MIB1: variants seen among roughly 807,000 people sequenced by gnomAD.
MIB1 encodes the protein E3 ubiquitin-protein ligase MIB1.
MIB1 carries 278 observed loss-of-function variants against 124.5 expected under a neutral mutation model. The observed-to-expected ratio is 2.23, with a 90% confidence interval of 2.02 to 2.47. MIB1 has a LOEUF of 2.47. Among genes scored for constraint, MIB1 ranks in the 30% most tolerant of loss-of-function variants. The probability of loss-of-function intolerance (pLI) is 0.00; values close to 1 mark genes in which losing one functional copy is unlikely to be tolerated. For synonymous variants in MIB1, 446 were observed against 429.4 expected (o/e 1.04, Z -0.48); for missense variants, 957 against 1,254.4 (o/e 0.76, Z 3.58).
At position 21,870,144 on chromosome 18, in the gene MIB1, G is replaced by A. The variant is rs534854223; in HGVS notation, c.*5478G>A. 8 of 152,546 alleles carry A rather than the reference G, an allele frequency of 5.2e-5. No homozygotes were observed. The East Asian group carries it at 1.2e-3, about 22-fold the overall frequency. The allele number at this position is 152,546 out of a possible 1,614,324, so 9.4% of individuals were successfully genotyped here. On this transcript the variant is annotated 3_prime_UTR_variant, in exon 21 of 21. Transcript: ENST00000261537. ...TTTAAAAGTAATGCAAACATTTATCGTTAATAAAACCTATGGTGTAATATC... is the reference window on the plus strand; with the variant it reads ...TTTAAAAGTAATGCAAACATTTATCATTAATAAAACCTATGGTGTAATATC...
chr18:21,746,082 G>A (rs1266338523), intron 1 of MIB1, among the ~76,000 whole-genome samples: 2 of 152,148 alleles, frequency 1.3e-5, no homozygotes, highest in Non-Finnish European at 2.9e-5. Context: ...AGGGAGAACT[G>A]AGGTTGCCTT....
chr18:21,821,665 C>A (rs1466904627), intron 12 of MIB1, among the ~76,000 whole-genome samples: 1 of 150,150 alleles, frequency 6.7e-6, no homozygotes, highest in Admixed American at 6.6e-5. Flanking sequence ...GTGGCACAAT[C>A]TCGGCTCACT....
intron 1 of MIB1, among the ~76,000 whole-genome samples, chr18:21,709,852 G>A (rs1201558215): frequency 1.3e-5 from 2 of 152,176 alleles, no homozygotes; most frequent in Non-Finnish European, 2.9e-5. Flanking sequence ...AGAGATGAAG[G>A]TGAAGAGTTT....
rs145640281 is a variant in MIB1, at chr18:21,778,054, C to A, written c.637-49C>A. 25 of 1,247,014 alleles carry A rather than the reference C, an allele frequency of 2.0e-5. No individual in the cohort carries two copies. In the East Asian group the frequency reaches 4.4e-4, roughly 22 times the overall value. The allele number at this position is 1,247,014 out of a possible 1,614,324, so 77.2% of individuals were successfully genotyped here. ...ATTCTTGCCTGTTTCAGATACTGAG[C>A]CATATTTGAAGTTTCATGGGTGATT... On this transcript the variant is annotated intron_variant, in intron 4 of 20. Transcript: ENST00000261537.
chr18:21,728,764 C>T (rs2040754487), intron 1 of MIB1, among the ~76,000 whole-genome samples: 1 of 152,144 alleles, frequency 6.6e-6, no homozygotes, highest in Admixed American at 6.5e-5. Flanking sequence ...GGGTAATTAG[C>T]ATATCCACGA....
At position 21,868,080 on chromosome 18, in the gene MIB1, G is replaced by C. The variant is rs2042332733; in HGVS notation, c.*3414G>C. 2.0e-5 allele frequency: 3 copies of C among 151,906 alleles called. No homozygotes were observed. The highest frequency in any genetic ancestry group is 4.1e-4 in the South Asian group (2 of 4,822). The allele number at this position is 151,906 out of a possible 1,614,324, so 9.4% of individuals were successfully genotyped here. A position where few individuals can be genotyped will look rare whatever the true frequency, so the allele number is the denominator to read the frequency against. On this transcript the variant is annotated 3_prime_UTR_variant, in exon 21 of 21. Transcript: ENST00000261537. ...CTACCATGTTTTATAGTAATAATTTGTGTAAAAAATTGAATTTTTGAATAG... is the reference window on the plus strand; with the variant it reads ...CTACCATGTTTTATAGTAATAATTTCTGTAAAAAATTGAATTTTTGAATAG...
chr18:21,863,861 C>T (rs1322808790), intron 20 of MIB1, among the ~76,000 whole-genome samples: 1 of 152,018 alleles, frequency 6.6e-6, no homozygotes, highest in Admixed American at 6.6e-5. Flanking sequence ...AAAAAATTAG[C>T]TGGGTGTGGT....
chr18:21,719,005 A>T (rs2040702248), intron 1 of MIB1, among the ~76,000 whole-genome samples: 1 of 152,088 alleles, frequency 6.6e-6, no homozygotes, highest in Non-Finnish European at 1.5e-5. Context: ...CCTGACCAAC[A>T]TGGAGGAACC....
chr18:21,745,566 A>T (rs773272180), intron 1 of MIB1, among the ~76,000 whole-genome samples: 4 of 152,134 alleles, frequency 2.6e-5, no homozygotes, highest in Non-Finnish European at 5.9e-5. Context: ...GGACATCCTT[A>T]TGGTGAAGGG....
intron 1 of MIB1, among the ~76,000 whole-genome samples, chr18:21,716,176 C>A (rs752237244): frequency 6.6e-6 from 1 of 152,232 alleles, no homozygotes; most frequent in Non-Finnish European, 1.5e-5. Flanking sequence ...TCAGCAGAAA[C>A]CCTGCAAGCT....
chr18:21,799,139 C>G (rs1320980935), intron 8 of MIB1, among the ~76,000 whole-genome samples: 1 of 151,928 alleles, frequency 6.6e-6, no homozygotes, highest in African/African-American at 2.4e-5. Flanking sequence ...GTCATTTGTC[C>G]CTTGCCCTAT....
chr18:21,835,663 C>T (rs1340538754), intron 12 of MIB1, among the ~76,000 whole-genome samples: 9 of 151,126 alleles, frequency 6.0e-5, no homozygotes, highest in East Asian at 3.9e-4. Flanking sequence ...CCCAGCTACT[C>T]GGGAGGCTGA....
chr18:21,779,545 C>T lies in MIB1; in HGVS notation c.768C>T (p.Leu256=), dbSNP rs140792256. ...LQIGDLVNID[L]DLEIVQSLQH... ...TTGGTGACCTGGTAAATATAGATCT[C>T]GACCTCGAAATTGTACAGTCTTTGC... The change falls in exon 6 of 21, where the codon CTC becomes CTT. Residue 256 remains leucine (L), a synonymous_variant. Transcript: ENST00000261537. 1.7e-5 allele frequency: 28 copies of T among 1,614,010 alleles called. No homozygotes were observed. The highest frequency in any genetic ancestry group is 3.3e-4 in the Middle Eastern group (2 of 6,058).
At position 21,741,315 on chromosome 18, in the gene MIB1, C is replaced by T. The variant is rs1360491400; in HGVS notation, c.-269C>T. The T allele has an allele frequency of 5.9e-6, 1 of 168,306 alleles. No individual in the cohort carries two copies. Among genetic ancestry groups the T allele is most frequent in the Non-Finnish European group, 1.3e-5 (1 of 79,290 alleles). The allele number at this position is 168,306 out of a possible 1,614,324, so 10.4% of individuals were successfully genotyped here. A position where few individuals can be genotyped will look rare whatever the true frequency, so the allele number is the denominator to read the frequency against. The stretch of plus-strand genomic sequence containing the variant: ...GAGAGTCCCCGCCCACGGCCCCCTC[C>T]CCTCTGCCCGCTCTCCGCCGCCGCC... On this transcript the variant is annotated 5_prime_UTR_variant, in exon 1 of 21. Coordinates refer to ENST00000261537, the MANE Select transcript of MIB1 (RefSeq NM_020774.4). This position sits in a 1 kb window ranked among gnomAD's most constrained non-coding sequence, Gnocchi z 5.4.
rs554931234 is a variant in MIB1 at position 21,773,129 on chromosome 18, G to A, written c.532-495G>A. Among the ~76,000 whole-genome samples, 16 of 152,152 alleles carry A rather than the reference G, an allele frequency of 1.1e-4. No homozygotes were observed. The South Asian group carries it at 3.1e-3, about 30-fold the overall frequency. ...AAAACTACAAAAATTAGCCAGGCGT[G>A]GTGACAGGCACCTGTAATCTCAGCT... is the stretch of plus-strand genomic sequence containing the variant. On this transcript the variant is annotated intron_variant, in intron 3 of 20. Coordinates refer to ENST00000261537, the MANE Select transcript of MIB1 (RefSeq NM_020774.4).
At chr18:21,778,575 T>C (rs2041319911) in intron 5 of MIB1, among the ~76,000 whole-genome samples, 1 of 152,102 alleles carries the variant, frequency 6.6e-6, no homozygotes, top group Non-Finnish European at 1.5e-5. Flanking sequence ...AGATAATATA[T>C]GTAATTTCAT....
At chr18:21,829,062 A>C in intron 12 of MIB1, 1 of 479,574 alleles carries the variant, frequency 2.1e-6, no homozygotes, top group South Asian at 1.5e-5. Flanking sequence ...ATATGGGTAC[A>C]TAAAGAAGTA....
At chr18:21,762,350 T>C (rs535548133) in intron 1 of MIB1, among the ~76,000 whole-genome samples, 1 of 152,278 alleles carries the variant, frequency 6.6e-6, no homozygotes, top group Admixed American at 6.5e-5. Context: ...TATGGGACTA[T>C]TATTATGTAA....
intron 15 of MIB1, among the ~76,000 whole-genome samples, chr18:21,845,211 C>T (rs2042125097): frequency 1.3e-5 from 2 of 152,210 alleles, no homozygotes; most frequent in South Asian, 4.2e-4. Flanking sequence ...GACGGGGTTT[C>T]ACCTTAGCCA....
Sources: gnomAD v4.1 joint callset for allele counts (sites outside exome capture counted in the v4.1 genomes callset) on GRCh38, gnomAD v4.1.1 for gene constraint, Gnocchi (gnomAD v3.1) non-coding constraint, MANE v1.5 for transcripts, NCBI Gene and HGNC (gene_info 2026-07-23, HGNC 2026-07-21) for gene names.